The following SATB1 variants were observed in gnomAD, a reference collection of about 807,000 sequenced individuals.
The protein encoded by SATB1 is SATB homeobox 1.
A neutral mutation model predicts 86.9 loss-of-function variants in SATB1; 11 were observed. That is an observed-to-expected ratio of 0.13 (90% CI 0.08 to 0.21). The LOEUF (loss-of-function observed/expected upper bound fraction) is 0.21, where lower values mean the gene tolerates loss of function less well. Among genes scored for constraint, SATB1 ranks in the 10% least tolerant of loss-of-function variants. SATB1 has a pLI of 1.00. For missense variants in SATB1, 551 were observed against 937.6 expected (o/e 0.59, Z 5.39); for synonymous variants, 357 against 357.2 (o/e 1.00, Z 0.01).
In SATB1 at chr3:18,352,127, G is replaced by A. The variant is rs1172542688; in HGVS notation, c.1644C>T (p.Asn548=). 4 of 1,614,182 alleles carry A rather than the reference G, an allele frequency of 2.5e-6. No homozygotes were observed. The highest frequency in any genetic ancestry group is 3.4e-6 in the Non-Finnish European group (4 of 1,180,032). ...TGAGGAACCTTCGGATCATGGAGAG[G>A]TTCTCCCACAGGGTTCTGTTTTCTG... ...PSPENRTLWE[N]LSMIRRFLSL... Residue 548 remains asparagine, a synonymous_variant, in exon 10 of 11, where the codon AAC becomes AAT. Coordinates refer to ENST00000338745, the MANE Select transcript of SATB1 (RefSeq NM_002971.6). This position sits in a 1 kb window ranked among gnomAD's most constrained non-coding sequence, Gnocchi z 4.1.
intron 9 of SATB1, among the ~76,000 whole-genome samples, chr3:18,370,038 T>C (rs1695387357): frequency 6.6e-6 from 1 of 152,194 alleles, no homozygotes; most frequent in Non-Finnish European, 1.5e-5. Flanking sequence ...CCTAATGGAA[T>C]ATTTTCCCTC....
At chr3:18,443,453 C>T (rs1489736072), upstream of SATB1, among the ~76,000 whole-genome samples, 1 of 152,200 alleles carries the variant, frequency 6.6e-6, no homozygotes, top group Non-Finnish European at 1.5e-5. This position sits in a 1 kb window ranked among gnomAD's most constrained non-coding sequence, Gnocchi z 4.4. Flanking sequence ...CAAGGAAGGG[C>T]GCAGAGGTCA....
intron 3 of SATB1, 37 bp from the exon 4 acceptor site, chr3:18,416,170 T>C (rs1228743808): frequency 3.2e-6 from 5 of 1,544,990 alleles, no homozygotes; most frequent in Non-Finnish European, 4.4e-6. Flanking sequence ...CTAAATATTT[T>C]ACCCTCAGAT....
At chr3:18,435,947 G>C (rs1258599200) in intron 2 of SATB1, among the ~76,000 whole-genome samples, 1 of 152,152 alleles carries the variant, frequency 6.6e-6, no homozygotes, top group Non-Finnish European at 1.5e-5. Context: ...TGTCTTTTGT[G>C]TAACTAAATA....
chr3:18,434,773 A>C (rs913510), intron 2 of SATB1: 1 of 151,978 alleles, frequency 6.6e-6, no homozygotes, highest in African/African-American at 2.4e-5. Context: ...AATTAAGTTC[A>C]CTTGAAAGAG....
intron 9 of SATB1, among the ~76,000 whole-genome samples, chr3:18,370,419 C>T (rs965175318): frequency 3.6e-5 from 5 of 140,060 alleles, no homozygotes; most frequent in African/African-American, 1.3e-4. Flanking sequence ...AACTCCCCAA[C>T]AAATCTCCTC....
chr3:18,391,652 G>C (rs1435374085), intron 7 of SATB1, among the ~76,000 whole-genome samples: 1 of 151,584 alleles, frequency 6.6e-6, no homozygotes, highest in African/African-American at 2.4e-5. Context: ...TGTTTTAAAA[G>C]TTGGAGTTGG....
At chr3:18,378,950 G>C (rs1695905628) in intron 8 of SATB1, among the ~76,000 whole-genome samples, 1 of 152,160 alleles carries the variant, frequency 6.6e-6, no homozygotes, top group African/African-American at 2.4e-5. Flanking sequence ...TGTCCAAGCT[G>C]TTCTGTATAA....
chr3:18,382,891 G>C (rs1374076098), intron 8 of SATB1, among the ~76,000 whole-genome samples: 1 of 152,228 alleles, frequency 6.6e-6, no homozygotes, highest in Non-Finnish European at 1.5e-5. Context: ...GAAGGAGCAA[G>C]AGACTTAGCA....
intron 9 of SATB1, among the ~76,000 whole-genome samples, chr3:18,358,639 T>C (rs1694767246): frequency 6.6e-6 from 1 of 152,016 alleles, no homozygotes; most frequent in African/African-American, 2.4e-5. Flanking sequence ...AAAGACGGGT[T>C]TTAAAAAGGA....
chr3:18,357,873 C>G (rs891145793), intron 9 of SATB1, among the ~76,000 whole-genome samples: 32 of 151,862 alleles, frequency 2.1e-4, no homozygotes, highest in Admixed American at 9.9e-4. Flanking sequence ...TGCAGAAACA[C>G]CCAAGACCTA....
At chr3:18,359,012 A>C (rs539416895) in intron 9 of SATB1, among the ~76,000 whole-genome samples, 1 of 152,188 alleles carries the variant, frequency 6.6e-6, no homozygotes, top group Admixed American at 6.5e-5. Context: ...GAAAATTATT[A>C]GCATAAACCT....
intron 9 of SATB1, among the ~76,000 whole-genome samples, chr3:18,374,749 G>A (rs146379150): frequency 6.6e-6 from 1 of 152,138 alleles, no homozygotes; most frequent in Admixed American, 6.6e-5. Context: ...TGCAGAGCAC[G>A]CTTTACCTTT....
rs1575112792 is a variant in SATB1 at position 18,378,303 on chromosome 3, G to A, written c.1442C>T (p.Thr481Ile). 3 of 1,610,564 alleles carry A rather than the reference G, an allele frequency of 1.9e-6. No homozygotes were observed. The highest frequency in any genetic ancestry group is 2.7e-5 in the African/African-American group (2 of 74,684). Residue 481 changes from threonine (T) to isoleucine (I), a missense_variant, in exon 9 of 11, where the codon ACT becomes ATT. Physicochemically the swap from Thr to Ile is moderately conservative, Grantham distance 89. Around this residue, in one of 8 missense-constraint regions of SATB1, gnomAD observed 110 missense variants for 212.2 expected, o/e 0.52. Coordinates refer to ENST00000338745, the MANE Select transcript of SATB1 (RefSeq NM_002971.6). ...GTTCTCTGGTTTCCCATTCCTTTCA[G>A]TGGCAATAGTAGCTGTTTTCACCTA... ...PPQVKTATIA[T>I]ERNGKPENNT...
At position 18,424,213 on chromosome 3, in the gene SATB1, G is replaced by C. The variant is rs1207249935; in HGVS notation, c.-611C>G. 1.3e-5 allele frequency: 2 copies of C among 151,832 alleles called. No homozygotes were observed. The highest frequency in any genetic ancestry group is 4.8e-5 in the African/African-American group (2 of 41,260). The allele number at this position is 151,832 out of a possible 1,614,324, so 9.4% of individuals were successfully genotyped here. On this transcript the variant is annotated 5_prime_UTR_variant, in exon 1 of 11. Transcript: ENST00000338745. ...TCCCTCCTGCTCACTCGGGTTCTTC[G>C]GTGTGAGGACAGAAAGTCTACTTCT... is the stretch of plus-strand genomic sequence containing the variant.
Position 18,349,939 on chromosome 3 carries a change from G to C in SATB1, c.1780-257C>G. The C allele has an allele frequency of 1.9e-6, 1 of 518,346 alleles. No homozygotes were observed. The highest frequency in any genetic ancestry group is 4.7e-5 in the South Asian group (1 of 21,392). The allele number at this position is 518,346 out of a possible 1,614,324, so 32.1% of individuals were successfully genotyped here. On this transcript the variant is annotated intron_variant, in intron 10 of 10. Transcript: ENST00000338745. This position sits in a 1 kb window ranked among gnomAD's most constrained non-coding sequence, Gnocchi z 5.5. ...TACTTATCAGAGATCAGCAGAGGAA[G>C]TGAAAACTCAGTGCTCTGAAAATGT... is the stretch of plus-strand genomic sequence containing the variant.
At chr3:18,379,431 C>T (rs182756928) in intron 8 of SATB1, among the ~76,000 whole-genome samples, 1 of 152,264 alleles carries the variant, frequency 6.6e-6, no homozygotes, top group Admixed American at 6.5e-5. Context: ...TTTTCAGTTA[C>T]TTTACAGAAC....
intron 5 of SATB1, among the ~76,000 whole-genome samples, chr3:18,412,183 G>T (rs992012074): frequency 6.6e-6 from 1 of 152,042 alleles, no homozygotes; most frequent in Non-Finnish European, 1.5e-5. Flanking sequence ...TCATTGCACC[G>T]TGACTTTAAT....
At chr3:18,443,525 G>T (rs1699294845), upstream of SATB1, among the ~76,000 whole-genome samples, 5 of 152,220 alleles carry the variant, frequency 3.3e-5, no homozygotes, top group South Asian at 1.0e-3. The surrounding 1 kb of genome is among the most constrained non-coding windows in gnomAD (Gnocchi z 4.4). Context: ...AGTGAAATTT[G>T]CAACACCTCA....
Sources: allele counts gnomAD v4.1 joint callset (sites outside exome capture counted in the v4.1 genomes callset), GRCh38; gene constraint gnomAD v4.1.1; regional missense constraint gnomAD v4.1.1; non-coding constraint Gnocchi (gnomAD v3.1); transcripts MANE v1.5; gene names NCBI Gene and HGNC (gene_info 2026-07-23, HGNC 2026-07-21).